AGBL4: variants seen among roughly 807,000 people sequenced by gnomAD.
AGBL4 encodes AGBL carboxypeptidase 4, also known as cytosolic carboxypeptidase 6.
Under a neutral mutation model 66.4 loss-of-function variants are expected in AGBL4, and 58 were observed. That is an observed-to-expected ratio of 0.87 (90% CI 0.71 to 1.09). AGBL4 has a LOEUF of 1.09. Ranked by LOEUF, AGBL4 falls within the 50% of genes least tolerant of loss-of-function variation. The pLI, the probability that AGBL4 is intolerant of heterozygous loss-of-function variation, is 0.00. For synonymous variants in AGBL4, 234 were observed against 222.9 expected (o/e 1.05, Z -0.44); for missense variants, 579 against 631.0 (o/e 0.92, Z 0.88).
chr1:49,430,107 C>T (rs1035266401), intron 3 of AGBL4, among the ~76,000 whole-genome samples: 3 of 152,072 alleles, frequency 2.0e-5, no homozygotes, highest in Non-Finnish European at 4.4e-5. Flanking sequence ...CCTGCCTCGG[C>T]CTCCAAAAGT....
At chr1:49,653,640 G>C (rs900658352) in intron 3 of AGBL4, among the ~76,000 whole-genome samples, 3 of 151,378 alleles carry the variant, frequency 2.0e-5, no homozygotes, top group Non-Finnish European at 4.4e-5. Flanking sequence ...TGACCTGACG[G>C]AGCTGAAAAA....
At chr1:49,683,517 A>T (rs558687256) in intron 3 of AGBL4, among the ~76,000 whole-genome samples, 1 of 152,272 alleles carries the variant, frequency 6.6e-6, no homozygotes, top group African/African-American at 2.4e-5. Flanking sequence ...TCTCTAATAG[A>T]AGGTAGCTAA....
chr1:48,788,885 A>G (rs1645471837), intron 6 of AGBL4, among the ~76,000 whole-genome samples: 2 of 152,226 alleles, frequency 1.3e-5, no homozygotes, highest in African/African-American at 4.8e-5. Context: ...GTGAAACGGG[A>G]AAATGAAACG....
At chr1:48,621,013 T>C (rs1476694290) in intron 9 of AGBL4, among the ~76,000 whole-genome samples, 1 of 152,172 alleles carries the variant, frequency 6.6e-6, no homozygotes, top group Non-Finnish European at 1.5e-5. Context: ...AGAGTCTGTC[T>C]CCAGTCCTTC....
chr1:49,880,264 G>C (rs1432155971), intron 1 of AGBL4, among the ~76,000 whole-genome samples: 1 of 151,874 alleles, frequency 6.6e-6, no homozygotes, highest in Non-Finnish European at 1.5e-5. Flanking sequence ...CAGATTTTCT[G>C]TTCTGTTTTT....
At chr1:48,728,476 G>A (rs1570373251) in intron 6 of AGBL4, among the ~76,000 whole-genome samples, 1 of 126,906 alleles carries the variant, frequency 7.9e-6, no homozygotes, top group Non-Finnish European at 1.6e-5. Context: ...CTATCATTCT[G>A]ACTTGCTTTT....
intron 4 of AGBL4, among the ~76,000 whole-genome samples, chr1:49,212,424 C>T (rs935020181): frequency 4.6e-5 from 7 of 152,074 alleles, no homozygotes; most frequent in African/African-American, 1.2e-4. Context: ...AGTCTATGAT[C>T]GAGTCTGAAC....
intron 5 of AGBL4, among the ~76,000 whole-genome samples, chr1:48,955,436 C>T (rs1244866122): frequency 6.6e-6 from 1 of 152,182 alleles, no homozygotes; most frequent in African/African-American, 2.4e-5. Flanking sequence ...TTTCCTCTCT[C>T]TCCTCCTTTC....
rs192144543 is a variant in AGBL4, at chr1:49,388,366, T to G, written c.283-142502A>C. ...ATTGTTGTGTTAAAATATAACTTAA[T>G]GTACAAAAAAAAATAGCTGGCCAGG... On this transcript the variant is annotated intron_variant, in intron 3 of 13. Coordinates refer to ENST00000371839, the MANE Select transcript of AGBL4 (RefSeq NM_032785.4). 1.4e-3 allele frequency among the ~76,000 whole-genome samples: 217 copies of G among 151,942 alleles called. 1 individual carries two copies. The highest frequency in any genetic ancestry group is 5.1e-3 in the African/African-American group (210 of 41,514).
intron 3 of AGBL4, among the ~76,000 whole-genome samples, chr1:49,601,049 CT>C (rs1644948631): frequency 6.6e-6 from 1 of 152,084 alleles, no homozygotes; most frequent in South Asian, 2.1e-4. Flanking sequence ...TTCTCTCTGG[CT>C]GCCCTTAACA....
intron 6 of AGBL4, among the ~76,000 whole-genome samples, chr1:48,737,835 TG>T (rs768821968): frequency 2.6e-5 from 4 of 152,192 alleles, no homozygotes; most frequent in Non-Finnish European, 5.9e-5. Context: ...GTCATGCTTC[TG>T]CTGAGTCTGT....
chr1:49,836,207 G>T (rs1397053618), intron 2 of AGBL4, among the ~76,000 whole-genome samples: 1 of 152,028 alleles, frequency 6.6e-6, no homozygotes, highest in African/African-American at 2.4e-5. Context: ...TCACTTTCAG[G>T]TATACCAATC....
intron 4 of AGBL4, among the ~76,000 whole-genome samples, chr1:49,226,951 C>A (rs1352713437): frequency 6.6e-6 from 1 of 152,134 alleles, no homozygotes; most frequent in Non-Finnish European, 1.5e-5. Context: ...CCTTTCCCTG[C>A]TTATAGCTGT....
chr1:48,848,234 C>A (rs950155465), intron 6 of AGBL4, among the ~76,000 whole-genome samples: 2 of 152,204 alleles, frequency 1.3e-5, no homozygotes, highest in Admixed American at 1.3e-4. Flanking sequence ...GTTTCCTTTC[C>A]AAGTTCCCTT....
chr1:49,223,613 C>A (rs1300520418), intron 4 of AGBL4, among the ~76,000 whole-genome samples: 2 of 152,128 alleles, frequency 1.3e-5, no homozygotes, highest in Admixed American at 6.5e-5. Flanking sequence ...TAATTTCAAA[C>A]TGACAGCAGA....
At chr1:49,604,881 C>A (rs143733080) in intron 3 of AGBL4, among the ~76,000 whole-genome samples, 1 of 152,208 alleles carries the variant, frequency 6.6e-6, no homozygotes, top group Non-Finnish European at 1.5e-5. Flanking sequence ...GAAAGATTAT[C>A]ATATATTTTT....
At chr1:48,596,943 C>A (rs1645003325) in intron 9 of AGBL4, among the ~76,000 whole-genome samples, 2 of 152,144 alleles carry the variant, frequency 1.3e-5, no homozygotes, top group Non-Finnish European at 2.9e-5. Flanking sequence ...ACGGGCACTT[C>A]ACCTCCTGCC....
intron 3 of AGBL4, among the ~76,000 whole-genome samples, chr1:49,289,454 A>C (rs1644492830): frequency 6.6e-6 from 1 of 152,180 alleles, no homozygotes; most frequent in Non-Finnish European, 1.5e-5. Context: ...TAGTGCTATC[A>C]AGATGAATCT....
At chr1:50,016,944 C>T (rs2148446047) in intron 1 of AGBL4, 1 of 152,062 alleles carries the variant, frequency 6.6e-6, no homozygotes, top group African/African-American at 2.4e-5. Context: ...GAGTATATAC[C>T]CAAAGAAATC....
Sources: allele counts gnomAD v4.1 joint callset (sites outside exome capture counted in the v4.1 genomes callset), GRCh38; gene constraint gnomAD v4.1.1; transcripts MANE v1.5; gene names NCBI Gene and HGNC (gene_info 2026-07-23, HGNC 2026-07-21).